The following NUP210L variants were observed in gnomAD, a reference collection of about 807,000 sequenced individuals.
The protein encoded by NUP210L is nuclear pore membrane glycoprotein 210-like.
Under a neutral mutation model 208.5 loss-of-function variants are expected in NUP210L, and 74 were observed. The observed-to-expected ratio is 0.35, with a 90% CI of 0.29 to 0.43. The LOEUF (loss-of-function observed/expected upper bound fraction) is 0.43. Ranked by LOEUF, NUP210L falls within the 20% of genes least tolerant of loss-of-function variation. The pLI, the probability that NUP210L is intolerant of heterozygous loss-of-function variation, is 1.00. For missense variants in NUP210L, 1,843 were observed against 2,289.4 expected, an observed-to-expected ratio of 0.81 and a Z score of 3.98; for synonymous variants, 780 against 816.9, an observed-to-expected ratio of 0.95 and a Z score of 0.77.
intron 14 of NUP210L, among the ~76,000 whole-genome samples, chr1:154,096,500 C>G (rs369512414): frequency 1.3e-5 from 2 of 152,264 alleles, no homozygotes; most frequent in African/African-American, 4.8e-5. Context: ...GTAGCTCATG[C>G]CTGTAATCCC....
chr1:154,085,754 G>A (rs1275412369), intron 16 of NUP210L, among the ~76,000 whole-genome samples: 2 of 152,162 alleles, frequency 1.3e-5, no homozygotes, highest in African/African-American at 4.8e-5. Flanking sequence ...AGACAGTGTG[G>A]TACTGACATA....
intron 25 of NUP210L, among the ~76,000 whole-genome samples, chr1:154,053,455 T>G (rs1407350647): frequency 6.6e-6 from 1 of 152,190 alleles, no homozygotes; most frequent in Admixed American, 6.5e-5. Context: ...GGCCATAAAC[T>G]GGCCCCAAAA....
At chr1:154,146,459 A>C (rs376790572) in intron 2 of NUP210L, among the ~76,000 whole-genome samples, 11 of 152,238 alleles carry the variant, frequency 7.2e-5, no homozygotes, top group Non-Finnish European at 1.2e-4. Context: ...GTGAGACCTC[A>C]TATCTACAAA....
intron 12 of NUP210L, among the ~76,000 whole-genome samples, chr1:154,107,554 G>C (rs774396070): frequency 6.6e-6 from 1 of 151,578 alleles, no homozygotes; most frequent in Non-Finnish European, 1.5e-5. Flanking sequence ...CAGTGAGCTT[G>C]AGGACAGGTT....
chr1:153,995,881 G>A, intron 37 of NUP210L: 1 of 562,552 alleles, frequency 1.8e-6, no homozygotes, highest in Non-Finnish European at 3.5e-6. Context: ...GTTCGTGACT[G>A]GATCAAGTGT....
chr1:154,048,993 G>A (rs1295864798), intron 25 of NUP210L, among the ~76,000 whole-genome samples: 1 of 152,144 alleles, frequency 6.6e-6, no homozygotes, highest in Admixed American at 6.5e-5. Flanking sequence ...AAGCAAAGCA[G>A]CTTACTGGGT....
chr1:154,049,355 G>A (rs1333182095), intron 25 of NUP210L, among the ~76,000 whole-genome samples: 1 of 152,162 alleles, frequency 6.6e-6, no homozygotes, highest in Non-Finnish European at 1.5e-5. Context: ...AACATATGAT[G>A]CATGAAATAG....
intron 37 of NUP210L, among the ~76,000 whole-genome samples, chr1:153,996,725 CTTTT>C (rs1484171706): frequency 6.6e-6 from 1 of 151,688 alleles, no homozygotes; most frequent in Non-Finnish European, 1.5e-5. Flanking sequence ...CCAGCCAAAA[CTTTT>C]TTTTAAGATC....
At chr1:154,056,991 T>C (rs1405137691) in intron 22 of NUP210L, 44 bp from the exon 23 acceptor site, 1 of 1,599,712 alleles carries the variant, frequency 6.3e-7, no homozygotes, top group Admixed American at 1.8e-5. Context: ...ATTTTTGTTT[T>C]GTTTCAAGAC....
At chr1:154,011,514 G>A (rs1223687036) in intron 34 of NUP210L, among the ~76,000 whole-genome samples, 2 of 149,714 alleles carry the variant, frequency 1.3e-5, no homozygotes, top group East Asian at 2.0e-4. Context: ...GAGCCACCGC[G>A]CCTGGCCATC....
At chr1:154,106,763 C>G (rs972939634) in intron 12 of NUP210L, among the ~76,000 whole-genome samples, 2 of 152,228 alleles carry the variant, frequency 1.3e-5, no homozygotes, top group Non-Finnish European at 2.9e-5. Context: ...ACCACCAAAG[C>G]AGTACCTCTA....
At chr1:154,130,576 ATTTTTTTTTTTT>A (rs765115829) in intron 7 of NUP210L, among the ~76,000 whole-genome samples, 1 of 98,962 alleles carries the variant, frequency 1.0e-5, no homozygotes, top group African/African-American at 3.7e-5. Flanking sequence ...CCTGGCCCCA[ATTTTTTTTTTTT>A]TTTTTTTTTT....
intron 37 of NUP210L, among the ~76,000 whole-genome samples, chr1:153,997,765 A>G (rs1649982519): frequency 6.9e-6 from 1 of 145,498 alleles, no homozygotes; most frequent in Admixed American, 7.2e-5. Context: ...ATCTCGACTC[A>G]CTGCAACCTC....
At chr1:154,039,679 C>T (rs942455666) in intron 27 of NUP210L, among the ~76,000 whole-genome samples, 8 of 152,152 alleles carry the variant, frequency 5.3e-5, no homozygotes, top group Admixed American at 3.9e-4. Flanking sequence ...ATCTGCCAGA[C>T]ATATTTGAGC....
Position 154,002,135 on chromosome 1 carries a change from T to C in NUP210L, c.4931-150A>G. 6.7e-6 allele frequency: 5 copies of C among 751,040 alleles called. 1 individual carries two copies. The South Asian group carries it at 9.5e-5, about 14-fold the overall frequency. 46.5% of individuals were successfully genotyped at this position (751,040 alleles called of 1,614,324 possible). ...TTGAGTATTCAATATCAGCACAATA[T>C]TGGCCACTACGAGGAGGATGCCAAA... On this transcript the variant is annotated intron_variant, in intron 35 of 39. Coordinates refer to ENST00000368559, the Ensembl canonical transcript of NUP210L.
intron 16 of NUP210L, among the ~76,000 whole-genome samples, chr1:154,072,666 G>A (rs1239611534): frequency 6.6e-6 from 1 of 152,006 alleles, no homozygotes. Flanking sequence ...AGCATAATGT[G>A]GGGAAATGAC....
intron 37 of NUP210L, among the ~76,000 whole-genome samples, chr1:153,996,646 C>T (rs1344367869): frequency 6.6e-6 from 1 of 152,098 alleles, no homozygotes; most frequent in East Asian, 1.9e-4. Flanking sequence ...GCCTCAAACT[C>T]CTGACCTCAG....
At chr1:154,004,671 G>T (rs950762541) in intron 35 of NUP210L, among the ~76,000 whole-genome samples, 1 of 150,648 alleles carries the variant, frequency 6.6e-6, no homozygotes, top group African/African-American at 2.4e-5. Context: ...CTTTGAGACA[G>T]GTTCTCCATC....
chr1:154,154,087 C>T (rs1659558242), intron 1 of NUP210L, among the ~76,000 whole-genome samples: 1 of 152,168 alleles, frequency 6.6e-6, no homozygotes, highest in South Asian at 2.1e-4. Flanking sequence ...GTCAGGAAGT[C>T]ATTATCCCGG....
Sources: gnomAD v4.1 joint callset for allele counts (sites outside exome capture counted in the v4.1 genomes callset) on GRCh38, gnomAD v4.1.1 for gene constraint, MANE v1.5 for transcripts, NCBI Gene and HGNC (gene_info 2026-07-23, HGNC 2026-07-21) for gene names.